Variants in RALGPS2 observed in about 807,000 individuals in gnomAD.
The protein encoded by RALGPS2 is ras-specific guanine nucleotide-releasing factor RalGPS2.
A neutral mutation model predicts 86.8 loss-of-function variants in RALGPS2; 43 were observed. The observed-to-expected ratio is 0.50, with a 90% CI of 0.39 to 0.64. RALGPS2 has a LOEUF of 0.64. Among genes scored for constraint, RALGPS2 ranks in the 30% least tolerant of loss-of-function variants. The probability of loss-of-function intolerance (pLI) is 0.00; values close to 1 mark genes in which losing one functional copy is unlikely to be tolerated. For synonymous variants in RALGPS2, 243 were observed against 231.3 expected (o/e 1.05, Z -0.46); for missense variants, 536 against 694.6 (o/e 0.77, Z 2.57).
chr1:178,788,884 C>CT (rs1653820270), intron 4 of RALGPS2, among the ~76,000 whole-genome samples: 1 of 69,044 alleles, frequency 1.4e-5, no homozygotes, highest in African/African-American at 6.7e-5. Context: ...TCTTTTCTTT[C>CT]TTTCTTTCCT....
At chr1:178,856,394 A>ATTTTTTTTTTTTTTTTTTTTTTTTTTT (rs71108081) in intron 8 of RALGPS2, among the ~76,000 whole-genome samples, 1 of 36,430 alleles carries the variant, frequency 2.7e-5, no homozygotes, top group African/African-American at 1.5e-4. Flanking sequence ...TGCCTGGCTA[A>ATTTTTTTTTTTTTTTTTTTTTTTTTTT]TTTTTTTTTT....
chr1:178,839,712 T>G (rs1010425187), intron 8 of RALGPS2, among the ~76,000 whole-genome samples: 12 of 152,138 alleles, frequency 7.9e-5, no homozygotes, highest in Non-Finnish European at 1.3e-4. Flanking sequence ...AGACACAGAC[T>G]GGCAAATTGG....
At chr1:178,817,354 A>G (rs1295804742) in intron 6 of RALGPS2, among the ~76,000 whole-genome samples, 1 of 150,636 alleles carries the variant, frequency 6.6e-6, no homozygotes, top group Non-Finnish European at 1.5e-5. Context: ...TTAAAAAAAA[A>G]AAAAAAAAAA....
intron 1 of RALGPS2, chr1:178,747,273 A>G (rs1651390798): frequency 9.9e-6 from 15 of 1,515,028 alleles, no homozygotes; most frequent in Non-Finnish European, 8.3e-6. Context: ...AAATTGAGAA[A>G]TGAAGCTGGT....
intron 6 of RALGPS2, among the ~76,000 whole-genome samples, chr1:178,819,528 A>G (rs956225549): frequency 6.6e-5 from 10 of 152,264 alleles, no homozygotes; most frequent in Admixed American, 2.6e-4. Context: ...GCCCTGGGCA[A>G]TGTGTCCCAT....
intron 4 of RALGPS2, among the ~76,000 whole-genome samples, chr1:178,804,068 C>T (rs1421018455): frequency 7.5e-6 from 1 of 134,050 alleles, no homozygotes; most frequent in Non-Finnish European, 1.7e-5. Flanking sequence ...TCAATCTATT[C>T]CTTTTTTTTT....
At chr1:178,727,869 G>T (rs776548959) in intron 1 of RALGPS2, among the ~76,000 whole-genome samples, 6 of 152,168 alleles carry the variant, frequency 3.9e-5, no homozygotes, top group Non-Finnish European at 7.4e-5. Context: ...GGGCTTAAAT[G>T]ATAAGTGGGC....
intron 4 of RALGPS2, among the ~76,000 whole-genome samples, chr1:178,796,379 C>G (rs1213498151): frequency 6.6e-6 from 1 of 152,124 alleles, no homozygotes; most frequent in Non-Finnish European, 1.5e-5. Flanking sequence ...GTGACTGAGA[C>G]TTCTTTGTAG....
At position 178,811,397 on chromosome 1, in the gene RALGPS2, C is replaced by T. The variant is rs1385500528; in HGVS notation, c.380C>T (p.Thr127Ile). The T allele has an allele frequency of 6.5e-7, 1 of 1,535,184 alleles. No individual in the cohort carries two copies. Among genetic ancestry groups the T allele is most frequent in the Non-Finnish European group, 8.7e-7 (1 of 1,150,312 alleles). Residue 127 changes from threonine (T) to isoleucine (I), a missense_variant, in exon 6 of 20, where the codon ACT (threonine) becomes ATT (isoleucine). Coordinates refer to ENST00000367635, the MANE Select transcript of RALGPS2 (RefSeq NM_152663.5). ...RAEVLSHYIK[T>I]AKKLYELNNL... is the part of the protein sequence containing the mutation. ...GAAGTTTTGAGCCACTATATTAAAA[C>T]TGCTAAGGTAAGAAAAACTTGTGTT...
chr1:178,874,132 G>A (rs1658893483), intron 8 of RALGPS2, among the ~76,000 whole-genome samples: 2 of 152,136 alleles, frequency 1.3e-5, no homozygotes, highest in South Asian at 4.1e-4. Context: ...AAAAATAAGG[G>A]AATGATCTTA....
intron 8 of RALGPS2, chr1:178,865,583 C>A (rs1176802101): frequency 1.2e-6 from 2 of 1,613,938 alleles, no homozygotes; most frequent in Non-Finnish European, 1.7e-6. Flanking sequence ...GGTGTTGACA[C>A]AGATTGGCCC....
Position 178,856,248 on chromosome 1 carries a change from G to GT in RALGPS2, c.608-21242dup, listed in dbSNP as rs1240093156. Among the ~76,000 whole-genome samples the GT allele has an allele frequency of 2.8e-3, 361 of 127,698 alleles. 6 individuals carry two copies. Among genetic ancestry groups the GT allele is most frequent in the African/African-American group, 0.011 (331 of 28,920 alleles). 83.8% of individuals were successfully genotyped at this position (127,698 alleles called of 152,430 possible). On this transcript the variant is annotated intron_variant, in intron 8 of 19. Coordinates refer to ENST00000367635, the MANE Select transcript of RALGPS2 (RefSeq NM_152663.5). ...ATATATATATATGGTTTTGGGTTTTGTTTTTTTTGGAGCCTGTTTCCCAGG... is the reference window on the plus strand; with the variant it reads ...ATATATATATATGGTTTTGGGTTTTGTTTTTTTTTGGAGCCTGTTTCCCAGG...
chr1:178,750,172 G>A (rs1026440933), intron 1 of RALGPS2, among the ~76,000 whole-genome samples: 3 of 152,110 alleles, frequency 2.0e-5, no homozygotes, highest in Admixed American at 2.0e-4. Flanking sequence ...TGTTCTAGGC[G>A]AGAGGTTGGC....
At chr1:178,914,226 T>C (rs1660730086) in intron 19 of RALGPS2, among the ~76,000 whole-genome samples, 1 of 151,976 alleles carries the variant, frequency 6.6e-6, no homozygotes, top group Non-Finnish European at 1.5e-5. Context: ...TATGGCCGTG[T>C]TCCTTTGCAG....
chr1:178,857,650 A>C (rs1231377294), intron 8 of RALGPS2, among the ~76,000 whole-genome samples: 2 of 152,284 alleles, frequency 1.3e-5, no homozygotes, highest in East Asian at 3.9e-4. Flanking sequence ...TCATTTTATA[A>C]ATTTGCATAT....
intron 8 of RALGPS2, among the ~76,000 whole-genome samples, chr1:178,856,512 C>T (rs1657598395): frequency 7.1e-6 from 1 of 140,372 alleles, no homozygotes; most frequent in African/African-American, 2.7e-5. Context: ...GGACTTCAGA[C>T]TCCCAAAGTG....
chr1:178,866,676 A>G (rs1658432034), intron 8 of RALGPS2, among the ~76,000 whole-genome samples: 1 of 152,180 alleles, frequency 6.6e-6, no homozygotes, highest in Admixed American at 6.6e-5. Flanking sequence ...AGACCCTGTC[A>G]TTCAAGAACC....
Position 178,883,503 on chromosome 1 carries a change from C to A in RALGPS2, c.874C>A (p.Arg292Ser). Reference protein sequence around the residue: ...LKIEPGTSTPRSAASREDLVG... With the variant: ...LKIEPGTSTPSSAASREDLVG... ...GATAGAACCAGGGACAAGCACCCCA[C>A]GTTCTGCTGCTTCCAGAGAAGATTT... The change falls in exon 11 of 20, where the codon CGT becomes AGT. Residue 292 changes from arginine (R) to serine (S), a missense_variant. By Grantham distance (110) the Arg-to-Ser change is moderately radical. Around this residue, in one of 3 missense-constraint regions of RALGPS2, gnomAD observed 309 missense variants for 363.0 expected, o/e 0.85. Coordinates refer to ENST00000367635, the MANE Select transcript of RALGPS2 (RefSeq NM_152663.5). 6.2e-7 allele frequency: 1 copy of A among 1,613,394 alleles called. No homozygotes were observed. Among genetic ancestry groups the A allele is most frequent in the East Asian group, 2.2e-5 (1 of 44,856 alleles).
intron 7 of RALGPS2, among the ~76,000 whole-genome samples, chr1:178,832,932 A>C (rs1041201862): frequency 6.6e-6 from 1 of 152,066 alleles, no homozygotes; most frequent in South Asian, 2.1e-4. Context: ...AGAAATCCAA[A>C]AATGTAAGGA....
Sources: gnomAD v4.1 joint callset for allele counts (sites outside exome capture counted in the v4.1 genomes callset) on GRCh38, gnomAD v4.1.1 for gene constraint, gnomAD v4.1.1 regional missense constraint, MANE v1.5 for transcripts, NCBI Gene and HGNC (gene_info 2026-07-23, HGNC 2026-07-21) for gene names.